The following MSRB1 variants were observed in gnomAD, a reference collection of about 807,000 sequenced individuals.
The protein encoded by MSRB1 is methionine sulfoxide reductase B1.
Under a neutral mutation model 15.2 loss-of-function variants are expected in MSRB1, and 13 were observed. The observed-to-expected ratio is 0.86, with a 90% CI of 0.56 to 1.36. The LOEUF (loss-of-function observed/expected upper bound fraction) is 1.36. Ranked by LOEUF, MSRB1 falls within the 40% of genes most tolerant of loss-of-function variation. MSRB1 has a pLI of 0.00. For synonymous variants in MSRB1, 68 were observed against 64.5 expected, an observed-to-expected ratio of 1.05 and a Z score of -0.26; for missense variants, 174 against 155.9, an observed-to-expected ratio of 1.12 and a Z score of -0.62.
At chr16:1,939,170 G>A (rs781454185) in intron 3 of MSRB1, 27 bp from the exon 4 acceptor site, 2 of 1,596,180 alleles carry the variant, frequency 1.3e-6, no homozygotes, top group Non-Finnish European at 1.7e-6. Flanking sequence ...GGGGCGGAAA[G>A]TATGCGGGGA....
rs761528580 is a variant in MSRB1, at chr16:1,939,131, G to A, written c.332C>T (p.Ser111Phe). ...LKFVPKGKET[S>F]ASQGH is the part of the protein sequence containing the mutation. ...GCCCGCCTAGTGACCCTGGGAGGCA[G>A]AAGTTTCTTTGCCTGAAAGAGAGGA... Residue 111 changes from serine to phenylalanine, a missense_variant, in exon 4 of 4, where the codon TCT becomes TTT. Coordinates refer to ENST00000361871, the MANE Select transcript of MSRB1 (RefSeq NM_016332.4). 4 of 1,608,890 alleles carry A rather than the reference G, an allele frequency of 2.5e-6. No individual in the cohort carries two copies. Among genetic ancestry groups the A allele is most frequent in the African/African-American group, 1.3e-5 (1 of 74,454 alleles).
At chr16:1,941,545 A>T in intron 1 of MSRB1, 140 bp from the exon 2 acceptor site, 1 of 1,211,976 alleles carries the variant, frequency 8.3e-7, no homozygotes, top group Non-Finnish European at 1.1e-6. Flanking sequence ...GGCACCCGCC[A>T]CGGGAGGCGC....
At chr16:1,940,142 C>T (rs1053331510) in intron 3 of MSRB1, among the ~76,000 whole-genome samples, 8 of 151,622 alleles carry the variant, frequency 5.3e-5, no homozygotes, top group South Asian at 2.1e-4. Flanking sequence ...CGTGGTGATG[C>T]GTGCCTGCAA....
intron 2 of MSRB1, 104 bp from the exon 3 acceptor site, chr16:1,940,996 T>C (rs1294440714): frequency 6.4e-7 from 1 of 1,570,008 alleles, no homozygotes; most frequent in Non-Finnish European, 8.6e-7. Context: ...ACACGCCTAT[T>C]TCCCAAGCTG....
intron 1 of MSRB1, among the ~76,000 whole-genome samples, chr16:1,942,186 C>A (rs892395194): frequency 6.6e-6 from 1 of 152,232 alleles, no homozygotes; most frequent in African/African-American, 2.4e-5. Flanking sequence ...GAGAAGCCAG[C>A]AGCTGCTGTG....
chr16:1,939,494 C>T (rs911423514), intron 3 of MSRB1, among the ~76,000 whole-genome samples: 1 of 149,152 alleles, frequency 6.7e-6, no homozygotes, highest in African/African-American at 2.6e-5. Flanking sequence ...ACAGGCTGCT[C>T]GCTCAACCCC....
intron 1 of MSRB1, among the ~76,000 whole-genome samples, chr16:1,942,494 C>T (rs575824596): frequency 2.0e-5 from 3 of 152,370 alleles, no homozygotes; most frequent in Non-Finnish European, 2.9e-5. Context: ...TCAAACTTCA[C>T]GGGCTGTTGG....
intron 1 of MSRB1, chr16:1,941,706 T>C (rs756012709): frequency 4.2e-5 from 18 of 426,924 alleles, no homozygotes; most frequent in Non-Finnish European, 7.3e-5. Flanking sequence ...TACAAGTGTG[T>C]GCAGCGTGAA....
rs1457863490 is a variant in MSRB1 at position 1,943,185 on chromosome 16, C to G, written c.-29G>C. The G allele has an allele frequency of 7.1e-6, 11 of 1,551,950 alleles. No individual in the cohort carries two copies. The highest frequency in any genetic ancestry group is 1.2e-5 in the South Asian group (1 of 84,298). On this transcript the variant is annotated 5_prime_UTR_variant, in exon 1 of 4. Coordinates refer to ENST00000361871, the MANE Select transcript of MSRB1 (RefSeq NM_016332.4). ...GCCACCGGAACCGCAGCGCGCTTGCCGCTGCCAACTGACCAAAGGCTGCCG... is the reference window on the plus strand; with the variant it reads ...GCCACCGGAACCGCAGCGCGCTTGCGGCTGCCAACTGACCAAAGGCTGCCG...
chr16:1,939,218 C>T lies in MSRB1; in HGVS notation c.320-75G>A, dbSNP rs573643858. 5.2e-5 allele frequency: 78 copies of T among 1,491,860 alleles called. No individual in the cohort carries two copies. In the South Asian group the frequency reaches 6.8e-4, roughly 13 times the overall value. The allele number at this position is 1,491,860 out of a possible 1,614,324, so 92.4% of individuals were successfully genotyped here. A position where few individuals can be genotyped will look rare whatever the true frequency, so the allele number is the denominator to read the frequency against. ...AGGGGCGGAAAGCCGGGCGCGGGGG[C>T]GGTGGAAAGCCAGGGTAGGGGCAGA... On this transcript the variant is annotated intron_variant, in intron 3 of 3. Coordinates refer to ENST00000361871, the MANE Select transcript of MSRB1 (RefSeq NM_016332.4).
rs1567307248 is a variant in MSRB1, at chr16:1,943,178, C to CGCTG, written c.-23_-22insCAGC. On this transcript the variant is annotated 5_prime_UTR_variant, in exon 1 of 4. Transcript: ENST00000361871. ...ACATGGCGCCACCGGAACCGCAGCG[C>CGCTG]GCTTGCCGCTGCCAACTGACCAAAG... is the stretch of plus-strand genomic sequence containing the variant. The CGCTG allele has an allele frequency of 6.4e-7, 1 of 1,553,182 alleles. No individual in the cohort carries two copies. The highest frequency in any genetic ancestry group is 8.7e-7 in the Non-Finnish European group (1 of 1,148,474).
rs1248824019 is a variant in MSRB1 at position 1,941,344 on chromosome 16, G to A, written c.117C>T (p.His39=). ...CGGTGAACGCCGGCCATGGAGACGA[G>A]TGTGCATACTTCGAGCGGCTGGAGA... is the stretch of plus-strand genomic sequence containing the variant. ...ELFSSRSKYA[H]SSPWPAFTET... Residue 39 remains histidine, a synonymous_variant, in exon 2 of 4, where the codon CAC becomes CAT. Coordinates refer to ENST00000361871, the MANE Select transcript of MSRB1 (RefSeq NM_016332.4). The A allele has an allele frequency of 6.2e-7, 1 of 1,613,794 alleles. No individual in the cohort carries two copies. Among genetic ancestry groups the A allele is most frequent in the Non-Finnish European group, 8.5e-7 (1 of 1,180,004 alleles).
chr16:1,940,297 TTCA>T (rs1315361242), intron 3 of MSRB1, among the ~76,000 whole-genome samples: 2 of 148,784 alleles, frequency 1.3e-5, no homozygotes, highest in Non-Finnish European at 3.0e-5. Context: ...AGGATGAGGA[TTCA>T]TCAAGCTATT....
intron 1 of MSRB1, among the ~76,000 whole-genome samples, chr16:1,942,802 A>G (rs987207928): frequency 5.3e-5 from 8 of 152,000 alleles, no homozygotes; most frequent in Non-Finnish European, 1.2e-4. Context: ...GGGAAGGGGT[A>G]CCACCCCCAC....
Position 1,940,819 on chromosome 16 carries a change from C to T in MSRB1, c.278G>A (p.Arg93Gln), listed in dbSNP as rs748260206. ...CAGCGAGCTGCTGAATATTCAGAAT[C>T]GGGACTGCCCCGGCTTGGGGCCGTC... ...LNDGPKPGQS[R>Q]FUIFSSSLKF... The change falls in exon 3 of 4, where the codon CGA becomes CAA. Residue 93 changes from arginine to glutamine, a missense_variant. Physicochemically the swap from Arg to Gln is conservative, Grantham distance 43 (BLOSUM62 1). Transcript: ENST00000361871. The T allele has an allele frequency of 3.5e-5, 56 of 1,613,968 alleles. No individual in the cohort carries two copies. Among genetic ancestry groups the T allele is most frequent in the Non-Finnish European group, 4.4e-5 (52 of 1,180,026 alleles).
At chr16:1,940,927 G>A in intron 2 of MSRB1, 35 bp from the exon 3 acceptor site, 1 of 1,613,522 alleles carries the variant, frequency 6.2e-7, no homozygotes, top group East Asian at 2.2e-5. Flanking sequence ...GTGAGCTTCT[G>A]GCCATGATAC....
In MSRB1 at chr16:1,938,721, C is replaced by G. The variant is rs899820670; in HGVS notation, c.*391G>C. 2.3e-5 allele frequency: 6 copies of G among 263,742 alleles called. No homozygotes were observed. The East Asian group carries it at 7.6e-4, about 34-fold the overall frequency. 16.3% of individuals were successfully genotyped at this position (263,742 alleles called of 1,614,324 possible). A position where few individuals can be genotyped will look rare whatever the true frequency, so the allele number is the denominator to read the frequency against. On this transcript the variant is annotated 3_prime_UTR_variant, in exon 4 of 4. Coordinates refer to ENST00000361871, the MANE Select transcript of MSRB1 (RefSeq NM_016332.4). Reference sequence around the variant, plus strand: ...ATGTGGGCCTAAGCTTCGGTGAGGACGAGAGTCTGTCTTGGAATTGGGCCT... The same window carrying G: ...ATGTGGGCCTAAGCTTCGGTGAGGAGGAGAGTCTGTCTTGGAATTGGGCCT...
intron 1 of MSRB1, among the ~76,000 whole-genome samples, 185 bp downstream of exon 1, chr16:1,942,917 C>T (rs1056511648): frequency 6.6e-6 from 1 of 152,026 alleles, no homozygotes; most frequent in African/African-American, 2.4e-5. Context: ...GGGTACCCCA[C>T]TCTCCTCGCC....
chr16:1,941,117 C>A, intron 2 of MSRB1, 140 bp downstream of exon 2: 6 of 1,551,886 alleles, frequency 3.9e-6, no homozygotes, highest in Non-Finnish European at 5.2e-6. Flanking sequence ...GGGGTGGCAG[C>A]TCCCTGGCAG....
Sources: gnomAD v4.1 joint callset for allele counts (sites outside exome capture counted in the v4.1 genomes callset) on GRCh38, gnomAD v4.1.1 for gene constraint, MANE v1.5 for transcripts, NCBI Gene and HGNC (gene_info 2026-07-23, HGNC 2026-07-21) for gene names.